Variants in NTNG1 observed in about 807,000 individuals in gnomAD.
NTNG1 encodes netrin G1.
NTNG1 carries 16 observed loss-of-function variants against 54.0 expected under a neutral mutation model. The observed-to-expected ratio is 0.30, with a 90% confidence interval of 0.20 to 0.45. The LOEUF (loss-of-function observed/expected upper bound fraction) is 0.45, where lower values mean the gene tolerates loss of function less well. Ranked by LOEUF, NTNG1 falls within the 20% of genes least tolerant of loss-of-function variation. NTNG1 has a pLI of 1.00. For missense variants in NTNG1, 530 were observed against 678.7 expected, an observed-to-expected ratio of 0.78 and a Z score of 2.43; for synonymous variants, 255 against 263.1, an observed-to-expected ratio of 0.97 and a Z score of 0.30.
chr1:107,394,243 A>G (rs933495559), intron 3 of NTNG1, among the ~76,000 whole-genome samples: 8 of 152,288 alleles, frequency 5.3e-5, no homozygotes, highest in Non-Finnish European at 8.8e-5. Flanking sequence ...GATACAGTTT[A>G]TATCCTGCTG....
chr1:107,200,786 T>TA (rs1245522099), intron 2 of NTNG1, among the ~76,000 whole-genome samples: 1 of 151,892 alleles, frequency 6.6e-6, no homozygotes, highest in Admixed American at 6.6e-5. Context: ...AGTGACTTTT[T>TA]ATTCATTCAT....
intron 2 of NTNG1, among the ~76,000 whole-genome samples, chr1:107,198,062 T>C (rs895323896): frequency 6.6e-6 from 1 of 151,982 alleles, no homozygotes; most frequent in Admixed American, 6.6e-5. Context: ...TATTCTGCAT[T>C]TTCAATATTT....
chr1:107,219,713 C>G (rs1336547090), intron 2 of NTNG1, among the ~76,000 whole-genome samples: 2 of 152,148 alleles, frequency 1.3e-5, no homozygotes, highest in African/African-American at 4.8e-5. Context: ...GGGCTGGTAC[C>G]AGGGAATATC....
At chr1:107,189,727 A>T (rs1427981623) in intron 2 of NTNG1, among the ~76,000 whole-genome samples, 2 of 152,002 alleles carry the variant, frequency 1.3e-5, no homozygotes, top group Non-Finnish European at 2.9e-5. Context: ...CCTGGACGAC[A>T]AATAGTTCTA....
At chr1:107,167,254 G>T (rs1655867552) in intron 2 of NTNG1, among the ~76,000 whole-genome samples, 1 of 151,420 alleles carries the variant, frequency 6.6e-6, no homozygotes, top group Non-Finnish European at 1.5e-5. Context: ...CCTTAGAGTG[G>T]CACGAATTTA....
intron 7 of NTNG1, among the ~76,000 whole-genome samples, chr1:107,446,785 T>C (rs1676331763): frequency 6.6e-6 from 1 of 152,156 alleles, no homozygotes; most frequent in Non-Finnish European, 1.5e-5. Flanking sequence ...CCTTCAGTTA[T>C]CCATTGCTAC....
upstream of NTNG1, among the ~76,000 whole-genome samples, chr1:107,140,520 A>C (rs1045539410): frequency 2.6e-5 from 4 of 152,088 alleles, no homozygotes; most frequent in Non-Finnish European, 5.9e-5. Flanking sequence ...TCTCACTGCC[A>C]TCAGTGCTAT....
intron 2 of NTNG1, among the ~76,000 whole-genome samples, chr1:107,243,824 G>GGATA (rs1662004114): frequency 6.6e-6 from 1 of 151,942 alleles, no homozygotes; most frequent in African/African-American, 2.4e-5. Context: ...TTTAATGTAA[G>GGATA]GATAGATATA....
At chr1:107,197,145 G>T (rs994411607) in intron 2 of NTNG1, among the ~76,000 whole-genome samples, 1 of 151,966 alleles carries the variant, frequency 6.6e-6, no homozygotes, top group African/African-American at 2.4e-5. Context: ...TGCTTAATCT[G>T]ACCAACCTAC....
intron 2 of NTNG1, among the ~76,000 whole-genome samples, chr1:107,253,127 G>A (rs1223402998): frequency 6.6e-6 from 1 of 152,166 alleles, no homozygotes; most frequent in African/African-American, 2.4e-5. Flanking sequence ...AGACCTACAA[G>A]TCTTAAGGTG....
At chr1:107,149,513 C>G (rs1570708071) in intron 2 of NTNG1, among the ~76,000 whole-genome samples, 1 of 152,172 alleles carries the variant, frequency 6.6e-6, no homozygotes, top group Non-Finnish European at 1.5e-5. Context: ...AGCAAGGACT[C>G]AGCATATACA....
intron 2 of NTNG1, among the ~76,000 whole-genome samples, chr1:107,254,976 A>G (rs893323856): frequency 6.6e-6 from 1 of 152,162 alleles, no homozygotes; most frequent in Non-Finnish European, 1.5e-5. Flanking sequence ...TGACCTTAAT[A>G]TTTGCATCTA....
At chr1:107,360,971 G>T (rs1670225583) in intron 3 of NTNG1, among the ~76,000 whole-genome samples, 1 of 151,482 alleles carries the variant, frequency 6.6e-6, no homozygotes, top group Non-Finnish European at 1.5e-5. Context: ...TGCTTCTCGT[G>T]TAACTGCTAT....
chr1:107,178,264 A>G (rs1306004205), intron 2 of NTNG1, among the ~76,000 whole-genome samples: 2 of 152,192 alleles, frequency 1.3e-5, no homozygotes. Context: ...CACATGGAGT[A>G]TAATGATTAG....
intron 2 of NTNG1, among the ~76,000 whole-genome samples, chr1:107,251,982 T>A (rs933471723): frequency 6.6e-6 from 1 of 152,114 alleles, no homozygotes; most frequent in African/African-American, 2.4e-5. Context: ...GGAACCAGCC[T>A]CCATGGTTTA....
Position 107,424,318 on chromosome 1 carries a change from C to A in NTNG1, c.1088-6432C>A, listed in dbSNP as rs1201330756. On this transcript the variant is annotated intron_variant, in intron 5 of 7. Transcript: ENST00000370068. ...GTGTGTTTGAAGAGCAACATGGAGG[C>A]ACTGTGCCATGAATTAGGAGGTGAG... is the stretch of plus-strand genomic sequence containing the variant. Among the ~76,000 whole-genome samples the A allele has an allele frequency of 3.9e-5, 6 of 152,174 alleles. No homozygotes were observed. The East Asian group carries it at 1.2e-3, about 30-fold the overall frequency.
intron 7 of NTNG1, among the ~76,000 whole-genome samples, chr1:107,446,736 T>C (rs1400215001): frequency 2.0e-5 from 3 of 152,122 alleles, no homozygotes; most frequent in Admixed American, 6.6e-5. Context: ...AATGCATATA[T>C]GTTTTTCATC....
chr1:107,440,125 T>A (rs1246032781), intron 7 of NTNG1, among the ~76,000 whole-genome samples: 1 of 151,516 alleles, frequency 6.6e-6, no homozygotes, highest in Non-Finnish European at 1.5e-5. Flanking sequence ...GAGCTGAGAG[T>A]AAGCAGGCAT....
intron 7 of NTNG1, among the ~76,000 whole-genome samples, chr1:107,438,742 A>C (rs1675766188): frequency 6.6e-6 from 1 of 152,198 alleles, no homozygotes; most frequent in South Asian, 2.1e-4. Context: ...GGGAAAATGC[A>C]TCTCAAAAAG....
Sources: allele counts gnomAD v4.1 joint callset (sites outside exome capture counted in the v4.1 genomes callset), GRCh38; gene constraint gnomAD v4.1.1; transcripts MANE v1.5; gene names NCBI Gene and HGNC (gene_info 2026-07-23, HGNC 2026-07-21).